The following F13A1 variants were observed in gnomAD, a reference collection of about 807,000 sequenced individuals.
F13A1 encodes the protein FSF, A subunit.
A neutral mutation model predicts 80.1 loss-of-function variants in F13A1; 47 were observed. The observed-to-expected ratio is 0.59, with a 90% CI of 0.46 to 0.75. The LOEUF (loss-of-function observed/expected upper bound fraction) is 0.75. Among genes scored for constraint, F13A1 ranks in the 30% least tolerant of loss-of-function variants. The probability of loss-of-function intolerance (pLI) is 0.00; values close to 1 mark genes in which losing one functional copy is unlikely to be tolerated. For synonymous variants in F13A1, 349 were observed against 344.9 expected (o/e 1.01, Z -0.13); for missense variants, 817 against 930.4 (o/e 0.88, Z 1.59).
intron 2 of F13A1, among the ~76,000 whole-genome samples, chr6:6,311,250 A>G (rs1482232078): frequency 6.6e-6 from 1 of 152,144 alleles, no homozygotes; most frequent in Non-Finnish European, 1.5e-5. Flanking sequence ...AGAGTTGATC[A>G]TTCATTTCAA....
chr6:6,144,893 A>G lies in F13A1; in HGVS notation c.*726T>C, dbSNP rs908115395. On this transcript the variant is annotated 3_prime_UTR_variant, in exon 15 of 15. Coordinates refer to ENST00000264870, the MANE Select transcript of F13A1 (RefSeq NM_000129.4). ...TATTGGCTCCTGCTGATCAGGCCAC[A>G]GTGTGACACATTCTATAAAATGCAT... The G allele has an allele frequency of 6.5e-6, 1 of 153,402 alleles. No individual in the cohort carries two copies. The highest frequency in any genetic ancestry group is 2.4e-5 in the African/African-American group (1 of 41,460). The allele number at this position is 153,402 out of a possible 1,614,324, so 9.5% of individuals were successfully genotyped here.
At chr6:6,173,816 C>A (rs577316575) in intron 12 of F13A1, among the ~76,000 whole-genome samples, 1 of 152,274 alleles carries the variant, frequency 6.6e-6, no homozygotes, top group African/African-American at 2.4e-5. Context: ...CAGCAGAGGG[C>A]CTGTTTCTGA....
intron 2 of F13A1, among the ~76,000 whole-genome samples, chr6:6,306,923 C>A (rs1367346695): frequency 6.6e-6 from 1 of 152,234 alleles, no homozygotes; most frequent in Non-Finnish European, 1.5e-5. Flanking sequence ...AGAAGTTGGG[C>A]TCTTTAAGAT....
At chr6:6,268,093 C>G (rs1201914198) in intron 3 of F13A1, among the ~76,000 whole-genome samples, 1 of 152,184 alleles carries the variant, frequency 6.6e-6, no homozygotes, top group Non-Finnish European at 1.5e-5. Flanking sequence ...ACTTTGAATC[C>G]AGTCATAACC....
Position 6,222,929 on chromosome 6 carries a change from T to C in F13A1, c.974-758A>G, listed in dbSNP as rs3024411. Among the ~76,000 whole-genome samples the C allele has an allele frequency of 2.0e-3, 303 of 152,334 alleles. 3 individuals are homozygous for C. Among genetic ancestry groups the C allele is most frequent in the African/African-American group, 7.0e-3 (293 of 41,582 alleles). On this transcript the variant is annotated intron_variant, in intron 7 of 14. Transcript: ENST00000264870. Reference sequence around the variant, plus strand: ...TCAAGGGTCCCCCTCCTTAAAGGACTTGATCTTAATGCCCCAAACAACAGT... The same window carrying C: ...TCAAGGGTCCCCCTCCTTAAAGGACCTGATCTTAATGCCCCAAACAACAGT...
At chr6:6,305,090 G>C in intron 3 of F13A1, 1 of 519,770 alleles carries the variant, frequency 1.9e-6, no homozygotes, top group Non-Finnish European at 3.5e-6. Context: ...GTTTGAGGAA[G>C]AATAATTTAG....
intron 4 of F13A1, among the ~76,000 whole-genome samples, chr6:6,261,357 C>G (rs1757778818): frequency 6.6e-6 from 1 of 152,190 alleles, no homozygotes; most frequent in Admixed American, 6.5e-5. Context: ...TGGGCCCAAG[C>G]AATCCTCCTG....
intron 3 of F13A1, among the ~76,000 whole-genome samples, chr6:6,283,334 T>C (rs1313196291): frequency 6.6e-6 from 1 of 152,250 alleles, no homozygotes; most frequent in African/African-American, 2.4e-5. Flanking sequence ...CTGGACTAGC[T>C]TCTGTTGCTA....
At chr6:6,265,642 A>G (rs1757832937) in intron 4 of F13A1, among the ~76,000 whole-genome samples, 2 of 152,228 alleles carry the variant, frequency 1.3e-5, no homozygotes, top group Non-Finnish European at 2.9e-5. Flanking sequence ...CTAGAGATCA[A>G]GTTATATTAT....
intron 3 of F13A1, among the ~76,000 whole-genome samples, chr6:6,300,676 G>T (rs969040134): frequency 6.6e-6 from 1 of 152,098 alleles, no homozygotes; most frequent in Non-Finnish European, 1.5e-5. Context: ...CCATACCTCA[G>T]ATGGAAATGC....
chr6:6,155,948 T>G (rs1226480417), intron 13 of F13A1, among the ~76,000 whole-genome samples: 2 of 152,248 alleles, frequency 1.3e-5, no homozygotes, highest in African/African-American at 2.4e-5. Flanking sequence ...ATTTTCTTGC[T>G]CTCATAAAAC....
At chr6:6,294,340 C>T (rs112479817) in intron 3 of F13A1, among the ~76,000 whole-genome samples, 8,487 of 152,164 alleles carry the variant, frequency 0.056, 619 homozygotes, top group African/African-American at 0.17. Flanking sequence ...AGCCTCCCAG[C>T]CTACATCTTT....
At chr6:6,263,324 C>G (rs1757802390) in intron 4 of F13A1, among the ~76,000 whole-genome samples, 1 of 152,192 alleles carries the variant, frequency 6.6e-6, no homozygotes, top group Non-Finnish European at 1.5e-5. Context: ...TCGAAGACAT[C>G]CATATTTCCA....
intron 6 of F13A1, among the ~76,000 whole-genome samples, chr6:6,239,229 A>G (rs1046394168): frequency 2.6e-5 from 4 of 152,308 alleles, no homozygotes; most frequent in African/African-American, 7.2e-5. Context: ...AGCCAGCCCT[A>G]TTTCTACTGT....
intron 6 of F13A1, among the ~76,000 whole-genome samples, chr6:6,244,076 C>T (rs76104923): frequency 0.062 from 9,463 of 152,214 alleles, 990 homozygotes; most frequent in African/African-American, 0.22. Context: ...CAATATGTCA[C>T]GGCCCACCTT....
At chr6:6,316,077 GCATATATATATATATATATATA>G (rs1561689646) in intron 2 of F13A1, among the ~76,000 whole-genome samples, 5 of 49,650 alleles carry the variant, frequency 1.0e-4, no homozygotes, top group South Asian at 8.1e-4. Flanking sequence ...ATGTGTGTGT[GCATATATATATATATATATATA>G]TATATATATA....
chr6:6,151,114 A>T (rs1382755702), intron 14 of F13A1, among the ~76,000 whole-genome samples: 2 of 152,190 alleles, frequency 1.3e-5, no homozygotes, highest in African/African-American at 4.8e-5. Context: ...TTGTTGGGTC[A>T]CACTCTTTGT....
intron 12 of F13A1, among the ~76,000 whole-genome samples, chr6:6,167,963 G>T (rs546111771): frequency 1.3e-5 from 2 of 152,264 alleles, no homozygotes; most frequent in South Asian, 4.1e-4. Context: ...ATTTGGGCCG[G>T]GATCATCCCA....
chr6:6,170,157 C>T (rs774418566), intron 12 of F13A1, among the ~76,000 whole-genome samples: 2 of 152,216 alleles, frequency 1.3e-5, no homozygotes, highest in Non-Finnish European at 2.9e-5. Context: ...TGGAAGGCCT[C>T]GAAGAAGATG....
Sources: allele counts gnomAD v4.1 joint callset (sites outside exome capture counted in the v4.1 genomes callset), GRCh38; gene constraint gnomAD v4.1.1; transcripts MANE v1.5; gene names NCBI Gene and HGNC (gene_info 2026-07-23, HGNC 2026-07-21).